Variants in YTHDC2 observed in about 807,000 individuals in gnomAD.
YTHDC2 encodes the protein YTH N6-methyladenosine RNA binding protein C2, also known as 3'-5' RNA helicase YTHDC2.
A neutral mutation model predicts 174.9 loss-of-function variants in YTHDC2; 45 were observed. That is an observed-to-expected ratio of 0.26 (90% CI 0.20 to 0.33). The LOEUF is 0.33. Among genes scored for constraint, YTHDC2 ranks in the 10% least tolerant of loss-of-function variants. The pLI, the probability that YTHDC2 is intolerant of heterozygous loss-of-function variation, is 1.00. For missense variants in YTHDC2, 1,650 were observed against 1,723.7 expected, an observed-to-expected ratio of 0.96 and a Z score of 0.76; for synonymous variants, 657 against 574.5, an observed-to-expected ratio of 1.14 and a Z score of -2.05.
intron 23 of YTHDC2, among the ~76,000 whole-genome samples, chr5:113,575,968 C>A (rs559932185): frequency 3.9e-5 from 6 of 152,180 alleles, no homozygotes; most frequent in African/African-American, 1.4e-4. Flanking sequence ...AGGGAGGAGT[C>A]AATTCTCAGA....
In YTHDC2 at chr5:113,540,951, T is replaced by G; in HGVS notation, c.1211-17T>G. The G allele has an allele frequency of 6.2e-7, 1 of 1,603,140 alleles. No homozygotes were observed. On this transcript the variant is annotated splice_polypyrimidine_tract_variant and intron_variant, in intron 8 of 29. Transcript: ENST00000161863. ...AAATGATTTGTCTACATATTCTTTC[T>G]TTGATAATTAATTTAGAAGAGAAAC... is the stretch of plus-strand genomic sequence containing the variant.
chr5:113,520,549 A>G (rs1773794328), intron 2 of YTHDC2, among the ~76,000 whole-genome samples: 1 of 147,090 alleles, frequency 6.8e-6, no homozygotes, highest in South Asian at 2.2e-4. Flanking sequence ...TCATATTTGG[A>G]TGAGGGCCTT....
At chr5:113,537,236 A>G (rs533416407) in intron 7 of YTHDC2, among the ~76,000 whole-genome samples, 2 of 152,310 alleles carry the variant, frequency 1.3e-5, no homozygotes, top group South Asian at 2.1e-4. Flanking sequence ...GAAGTGTATA[A>G]GGCTATTTAT....
intron 10 of YTHDC2, 98 bp downstream of exon 10, chr5:113,542,601 C>A: frequency 2.7e-6 from 3 of 1,098,108 alleles, no homozygotes; most frequent in Non-Finnish European, 3.7e-6. Context: ...ATTGCACAAC[C>A]AAAAATTTTA....
intron 3 of YTHDC2, 50 bp from the exon 4 acceptor site, chr5:113,526,536 C>G (rs1774249415): frequency 2.1e-6 from 3 of 1,447,366 alleles, no homozygotes; most frequent in African/African-American, 1.5e-5. Context: ...TTTAACACTT[C>G]TTTTTCCGTG....
chr5:113,561,962 GTGTGTGTGTGT>G (rs1777015564), intron 18 of YTHDC2, among the ~76,000 whole-genome samples: 1 of 79,248 alleles, frequency 1.3e-5, no homozygotes, highest in African/African-American at 4.9e-5. Flanking sequence ...TTGTGGGTGT[GTGTGTGTGTGT>G]GTGTGTGTGT....
chr5:113,557,196 T>C (rs536678927), intron 17 of YTHDC2, among the ~76,000 whole-genome samples: 1 of 152,188 alleles, frequency 6.6e-6, no homozygotes, highest in African/African-American at 2.4e-5. Flanking sequence ...GACAATTTTA[T>C]TTTTTTTGTA....
At chr5:113,591,369 A>G (rs1248936134) in intron 27 of YTHDC2, 125 bp downstream of exon 27, 2 of 924,044 alleles carry the variant, frequency 2.2e-6, no homozygotes, top group African/African-American at 1.7e-5. Context: ...TTGACTGAGA[A>G]TAAGGGATAT....
intron 21 of YTHDC2, 52 bp downstream of exon 21, chr5:113,566,071 C>A: frequency 6.7e-7 from 1 of 1,493,852 alleles, no homozygotes; most frequent in South Asian, 1.4e-5. Context: ...GTACCCTGCC[C>A]ATATTTCATA....
chr5:113,524,871 T>G, intron 2 of YTHDC2, 110 bp from the exon 3 acceptor site: 2 of 815,676 alleles, frequency 2.5e-6, no homozygotes, highest in Non-Finnish European at 3.5e-6. Flanking sequence ...TCCCAAAGCA[T>G]TTTGATTTTT....
chr5:113,561,241 CATTTCA>C, intron 18 of YTHDC2, 56 bp downstream of exon 18: 1 of 1,361,576 alleles, frequency 7.3e-7, no homozygotes, highest in Non-Finnish European at 1.0e-6. Flanking sequence ...AGTGAGGGGC[CATTTCA>C]ACTTCTATGG....
rs1421538475 is a variant in YTHDC2 at position 113,539,185 on chromosome 5, A to C, written c.1210+4A>C. On this transcript the variant is annotated splice_donor_region_variant and intron_variant, in intron 8 of 29. Transcript: ENST00000161863. The stretch of plus-strand genomic sequence containing the variant: ...TATAAAAAGGAAAAACAGCAAGGTA[A>C]ATTTTTTAATAAAAGAAATATAAAA... 3.7e-5 allele frequency: 46 copies of C among 1,236,872 alleles called. No homozygotes were observed. Among genetic ancestry groups the C allele is most frequent in the Non-Finnish European group, 4.8e-5 (43 of 902,728 alleles). 76.6% of individuals were successfully genotyped at this position (1,236,872 alleles called of 1,614,324 possible).
rs753564709 is a variant in YTHDC2 at position 113,584,329 on chromosome 5, A to C, written c.3675A>C (p.Ala1225=). Residue 1225 remains alanine, a synonymous_variant, in exon 26 of 30, where the codon GCA becomes GCC. Coordinates refer to ENST00000161863, the MANE Select transcript of YTHDC2 (RefSeq NM_022828.5). ...ERVLMKSPSP[A]LHPPQKYKDR... ...TACTGATGAAATCTCCATCTCCAGC[A>C]TTACACCCACCTCAGAAGTACAAAG... 6 of 1,613,400 alleles carry C rather than the reference A, an allele frequency of 3.7e-6. No individual in the cohort carries two copies. The highest frequency in any genetic ancestry group is 3.3e-5 in the Admixed American group (2 of 59,958).
In YTHDC2 at chr5:113,539,177, G is replaced by A. The variant is rs570857345; in HGVS notation, c.1206G>A (p.Gln402=). ...KEMLKYKKEK[Q]QEEKQQTTLT... is the part of the protein sequence containing the mutation. ...TGTTAAAATATAAAAAGGAAAAACA[G>A]CAAGGTAAATTTTTTAATAAAAGAA... The change falls in exon 8 of 30, where the codon CAG becomes CAA. Residue 402 remains glutamine, a synonymous_variant. Coordinates refer to ENST00000161863, the MANE Select transcript of YTHDC2 (RefSeq NM_022828.5). 8 of 1,320,476 alleles carry A rather than the reference G, an allele frequency of 6.1e-6. 1 individual carries two copies. Among genetic ancestry groups the A allele is most frequent in the African/African-American group, 4.6e-5 (3 of 65,614 alleles). 81.8% of individuals were successfully genotyped at this position (1,320,476 alleles called of 1,614,324 possible). A position where few individuals can be genotyped will look rare whatever the true frequency, so the allele number is the denominator to read the frequency against.
chr5:113,547,986 G>A (rs1388294217), intron 10 of YTHDC2, among the ~76,000 whole-genome samples: 1 of 152,128 alleles, frequency 6.6e-6, no homozygotes. Flanking sequence ...TTTTTCTAAT[G>A]TAAGGGTTTT....
At chr5:113,544,737 C>T (rs917584734) in intron 10 of YTHDC2, among the ~76,000 whole-genome samples, 5 of 150,054 alleles carry the variant, frequency 3.3e-5, no homozygotes, top group African/African-American at 1.2e-4. Flanking sequence ...TTCAACTGTT[C>T]TTTAATATAA....
chr5:113,585,429 T>G (rs892720640), intron 26 of YTHDC2, among the ~76,000 whole-genome samples: 1 of 152,120 alleles, frequency 6.6e-6, no homozygotes, highest in Non-Finnish European at 1.5e-5. Flanking sequence ...AAATAAATGT[T>G]TTTGTAGATT....
At chr5:113,564,945 C>T (rs1157720844) in intron 20 of YTHDC2, among the ~76,000 whole-genome samples, 1 of 152,094 alleles carries the variant, frequency 6.6e-6, no homozygotes, top group South Asian at 2.1e-4. Flanking sequence ...TCCCGAGTAG[C>T]TGGGGTTACA....
chr5:113,545,728 A>AT (rs1159754942), intron 10 of YTHDC2, among the ~76,000 whole-genome samples: 739 of 49,490 alleles, frequency 0.015, 182 homozygotes, highest in East Asian at 0.024. Context: ...ATTGATCTCC[A>AT]TTTTTTTTTT....
Sources: gnomAD v4.1 joint callset for allele counts (sites outside exome capture counted in the v4.1 genomes callset) on GRCh38, gnomAD v4.1.1 for gene constraint, MANE v1.5 for transcripts, NCBI Gene and HGNC (gene_info 2026-07-23, HGNC 2026-07-21) for gene names.